The following GALNTL6 variants were observed in gnomAD, a reference collection of about 807,000 sequenced individuals.
GALNTL6 encodes polypeptide N-acetylgalactosaminyltransferase like 6, also known as polypeptide N-acetylgalactosaminyltransferase-like 6.
In GALNTL6, 46 loss-of-function variants were observed where a neutral mutation model predicts 73.7. That is an observed-to-expected ratio of 0.62 (90% CI 0.49 to 0.80). The LOEUF is 0.80. Among genes scored for constraint, GALNTL6 ranks in the 30% least tolerant of loss-of-function variants. The probability of loss-of-function intolerance (pLI) is 0.00; values close to 1 mark genes in which losing one functional copy is unlikely to be tolerated. For synonymous variants in GALNTL6, 259 were observed against 263.7 expected (o/e 0.98, Z 0.17); for missense variants, 604 against 755.0 (o/e 0.80, Z 2.34).
At chr4:172,208,809 A>G (rs1199017520) in intron 2 of GALNTL6, among the ~76,000 whole-genome samples, 1 of 152,160 alleles carries the variant, frequency 6.6e-6, no homozygotes, top group Non-Finnish European at 1.5e-5. Flanking sequence ...GCCGAGCCTA[A>G]TAAGAGTGAT....
At chr4:172,730,301 T>G (rs186155859) in intron 5 of GALNTL6, among the ~76,000 whole-genome samples, 18 of 152,374 alleles carry the variant, frequency 1.2e-4, no homozygotes, top group African/African-American at 4.3e-4. Context: ...AATCCTTGTC[T>G]TGTTCCAAGT....
chr4:171,993,493 T>A lies in GALNTL6; in HGVS notation c.138+178775T>A, dbSNP rs1404786864. 2.6e-5 allele frequency among the ~76,000 whole-genome samples: 4 copies of A among 152,126 alleles called. No homozygotes were observed. In the South Asian group the frequency reaches 8.3e-4, roughly 32 times the overall value. ...TCTGAGGAGTGTGAAGTTTACCCTA[T>A]TGTCAATGGACAGCTAAGAAATAGA... On this transcript the variant is annotated intron_variant, in intron 2 of 12. Coordinates refer to ENST00000506823, the MANE Select transcript of GALNTL6 (RefSeq NM_001034845.3).
At chr4:172,135,101 C>A (rs973012843) in intron 2 of GALNTL6, among the ~76,000 whole-genome samples, 1 of 152,008 alleles carries the variant, frequency 6.6e-6, no homozygotes, top group Non-Finnish European at 1.5e-5. Context: ...CATCTAAGTG[C>A]CAGCTTTTCT....
At chr4:172,057,019 G>A (rs1170335191) in intron 2 of GALNTL6, among the ~76,000 whole-genome samples, 1 of 152,086 alleles carries the variant, frequency 6.6e-6, no homozygotes, top group Non-Finnish European at 1.5e-5. Context: ...TCTTTGTAGT[G>A]TTGGTTTGAA....
chr4:172,466,483 A>G (rs1364430547), intron 5 of GALNTL6, among the ~76,000 whole-genome samples: 1 of 152,202 alleles, frequency 6.6e-6, no homozygotes. Context: ...GTTGACAAGT[A>G]CAGCGCACTC....
At chr4:172,827,049 C>T (rs1008506426) in intron 7 of GALNTL6, among the ~76,000 whole-genome samples, 1 of 152,120 alleles carries the variant, frequency 6.6e-6, no homozygotes, top group African/African-American at 2.4e-5. Context: ...TGCAGCAGAC[C>T]TTTCAAAAGA....
chr4:172,255,375 T>G (rs939338678), intron 3 of GALNTL6, among the ~76,000 whole-genome samples: 3 of 133,886 alleles, frequency 2.2e-5, no homozygotes, highest in African/African-American at 8.1e-5. Context: ...AAGCTAAATG[T>G]AATAATGGTT....
intron 7 of GALNTL6, among the ~76,000 whole-genome samples, chr4:172,848,762 C>A (rs896394312): frequency 6.6e-6 from 1 of 152,124 alleles, no homozygotes; most frequent in Non-Finnish European, 1.5e-5. Flanking sequence ...GACTGCAAGG[C>A]AAAAGTTACT....
chr4:172,919,517 G>T (rs945498764), intron 8 of GALNTL6, among the ~76,000 whole-genome samples: 1 of 152,174 alleles, frequency 6.6e-6, no homozygotes, highest in African/African-American at 2.4e-5. Flanking sequence ...TCAGGACATG[G>T]CAAGATTGAC....
chr4:172,319,177 C>A (rs1740672916), intron 4 of GALNTL6, among the ~76,000 whole-genome samples: 1 of 152,262 alleles, frequency 6.6e-6, no homozygotes, highest in South Asian at 2.1e-4. Flanking sequence ...AATGCTGGAG[C>A]TTCCTTTCCA....
At chr4:172,651,867 G>C (rs946748928) in intron 5 of GALNTL6, among the ~76,000 whole-genome samples, 1 of 152,134 alleles carries the variant, frequency 6.6e-6, no homozygotes, top group African/African-American at 2.4e-5. Flanking sequence ...CTGAAAATTT[G>C]AACCATAAAG....
In GALNTL6 at chr4:172,320,175, G is replaced by A. The variant is rs140917377; in HGVS notation, c.386+8423G>A. On this transcript the variant is annotated intron_variant, in intron 4 of 12. Coordinates refer to ENST00000506823, the MANE Select transcript of GALNTL6 (RefSeq NM_001034845.3). ...ACACATGAAACAGAGGCTCTACGTGGGGTATAGCATGCTGAGAATACTTCA... is the reference window on the plus strand; with the variant it reads ...ACACATGAAACAGAGGCTCTACGTGAGGTATAGCATGCTGAGAATACTTCA... 6.0e-3 allele frequency among the ~76,000 whole-genome samples: 911 copies of A among 152,140 alleles called. 11 individuals are homozygous for A. Among genetic ancestry groups the A allele is most frequent in the African/African-American group, 0.02 (845 of 41,496 alleles).
chr4:172,657,620 A>G (rs1352121577), intron 5 of GALNTL6, among the ~76,000 whole-genome samples: 2 of 152,210 alleles, frequency 1.3e-5, no homozygotes, highest in Non-Finnish European at 2.9e-5. Flanking sequence ...CCATCAGGCC[A>G]TTTGGTATAT....
At chr4:172,959,146 T>C (rs946151103) in intron 10 of GALNTL6, among the ~76,000 whole-genome samples, 1 of 151,934 alleles carries the variant, frequency 6.6e-6, no homozygotes, top group African/African-American at 2.4e-5. Context: ...TGATTAGGTT[T>C]TAATGAGATG....
At chr4:172,502,990 G>A (rs949704765) in intron 5 of GALNTL6, among the ~76,000 whole-genome samples, 4 of 152,146 alleles carry the variant, frequency 2.6e-5, no homozygotes, top group South Asian at 4.1e-4. Flanking sequence ...CTCGGATAAC[G>A]TTTAAATGCT....
intron 7 of GALNTL6, among the ~76,000 whole-genome samples, chr4:172,858,595 C>T (rs549293254): frequency 3.3e-5 from 5 of 152,144 alleles, no homozygotes; most frequent in South Asian, 2.1e-4. Context: ...TTTGGGAGGC[C>T]GAGGTGGGTG....
At chr4:172,904,834 T>C (rs1044164332) in intron 8 of GALNTL6, among the ~76,000 whole-genome samples, 4 of 152,146 alleles carry the variant, frequency 2.6e-5, no homozygotes, top group Non-Finnish European at 4.4e-5. Context: ...ACAATGTTCC[T>C]GGAGTGAGAA....
intron 7 of GALNTL6, among the ~76,000 whole-genome samples, chr4:172,878,318 G>C (rs17058981): frequency 0.65 from 97,987 of 151,674 alleles, 33,699 homozygotes; most frequent in East Asian, 0.91. Context: ...CAACAGAATA[G>C]AGAAATGGTG....
chr4:172,482,935 T>G (rs1448705963), intron 5 of GALNTL6, among the ~76,000 whole-genome samples: 1 of 152,200 alleles, frequency 6.6e-6, no homozygotes, highest in African/African-American at 2.4e-5. Flanking sequence ...TTATAATTTC[T>G]ATTACAAATT....
Sources: allele counts gnomAD v4.1 joint callset (sites outside exome capture counted in the v4.1 genomes callset), GRCh38; gene constraint gnomAD v4.1.1; transcripts MANE v1.5; gene names NCBI Gene and HGNC (gene_info 2026-07-23, HGNC 2026-07-21).